The following PTPRG variants were observed in gnomAD, a reference collection of about 807,000 sequenced individuals.
The protein encoded by PTPRG is receptor-type tyrosine-protein phosphatase gamma.
PTPRG carries 102 observed loss-of-function variants against 165.3 expected under a neutral mutation model. That is an observed-to-expected ratio of 0.62 (90% CI 0.53 to 0.73). PTPRG has a LOEUF of 0.73. Among genes scored for constraint, PTPRG ranks in the 30% least tolerant of loss-of-function variants. The probability of loss-of-function intolerance (pLI) is 0.00; values close to 1 mark genes in which losing one functional copy is unlikely to be tolerated. For synonymous variants in PTPRG, 675 were observed against 669.5 expected (o/e 1.01, Z -0.13); for missense variants, 1,866 against 1,861.4 (o/e 1.00, Z -0.05).
At chr3:62,026,339 A>AT (rs2041803599) in intron 4 of PTPRG, among the ~76,000 whole-genome samples, 1 of 152,044 alleles carries the variant, frequency 6.6e-6, no homozygotes, top group Non-Finnish European at 1.5e-5. Flanking sequence ...ACTTGTTCTT[A>AT]TTTTTTACTT....
intron 8 of PTPRG, 25 bp downstream of exon 8, chr3:62,168,188 C>G: frequency 1.9e-6 from 3 of 1,564,410 alleles, no homozygotes; most frequent in Non-Finnish European, 2.6e-6. Context: ...AGTGCCTTGC[C>G]CAGAGGAAGA....
At chr3:61,718,518 A>T (rs1337470300) in intron 1 of PTPRG, among the ~76,000 whole-genome samples, 6 of 152,186 alleles carry the variant, frequency 3.9e-5, no homozygotes, top group African/African-American at 1.4e-4. Flanking sequence ...TTAGTTTTAA[A>T]ATCTGAGACT....
chr3:62,284,709 C>A (rs979106727), intron 28 of PTPRG, among the ~76,000 whole-genome samples: 1 of 152,140 alleles, frequency 6.6e-6, no homozygotes, highest in African/African-American at 2.4e-5. Flanking sequence ...CTCATCTTCA[C>A]TGCCTGCCCC....
At chr3:61,729,831 A>C (rs889776414) in intron 1 of PTPRG, among the ~76,000 whole-genome samples, 53 of 152,264 alleles carry the variant, frequency 3.5e-4, no homozygotes, top group African/African-American at 1.3e-3. Context: ...TCATTAATGT[A>C]CTTTGCCTAA....
chr3:62,255,721 C>T lies in PTPRG; in HGVS notation c.2559+506C>T, dbSNP rs547270606. ...GGCACCAATGTCACCTACATTGTAA[C>T]GTCGTTGGAAAAATAAATGATTAAC... On this transcript the variant is annotated intron_variant, in intron 16 of 29. Coordinates refer to ENST00000474889, the MANE Select transcript of PTPRG (RefSeq NM_002841.4). This position sits in a 1 kb window ranked among gnomAD's most constrained non-coding sequence, Gnocchi z 4.0. 2.0e-5 allele frequency among the ~76,000 whole-genome samples: 3 copies of T among 152,080 alleles called. No homozygotes were observed. The highest frequency in any genetic ancestry group is 4.8e-5 in the African/African-American group (2 of 41,398).
Position 61,584,773 on chromosome 3 carries a change from G to C in PTPRG, c.85+22401G>C, listed in dbSNP as rs138080238. ...ATCACAGCTCCATTGAGTTTGTCCA[G>C]CCCTCACACGGAATCTTATTAAAAA... On this transcript the variant is annotated intron_variant, in intron 1 of 29. Coordinates refer to ENST00000474889, the MANE Select transcript of PTPRG (RefSeq NM_002841.4). Among the ~76,000 whole-genome samples, 338 of 152,204 alleles carry C rather than the reference G, an allele frequency of 2.2e-3. 4 individuals carry two copies. Among genetic ancestry groups the C allele is most frequent in the African/African-American group, 7.8e-3 (322 of 41,540 alleles).
At chr3:61,669,286 G>C (rs955319946) in intron 1 of PTPRG, among the ~76,000 whole-genome samples, 2 of 152,090 alleles carry the variant, frequency 1.3e-5, no homozygotes, top group African/African-American at 4.8e-5. Context: ...CTTAGAGCTT[G>C]AGACATTATG....
intron 2 of PTPRG, among the ~76,000 whole-genome samples, chr3:61,883,875 C>G (rs1199810943): frequency 6.6e-6 from 1 of 152,124 alleles, no homozygotes; most frequent in Non-Finnish European, 1.5e-5. Flanking sequence ...GCATACCTAG[C>G]TAATTTCTGT....
intron 9 of PTPRG, among the ~76,000 whole-genome samples, chr3:62,191,866 C>T (rs1405780959): frequency 2.0e-5 from 3 of 152,314 alleles, no homozygotes; most frequent in Admixed American, 6.5e-5. Flanking sequence ...TTAGACTTAA[C>T]AGCTATGCAA....
At chr3:62,159,869 C>T (rs940558446) in intron 7 of PTPRG, among the ~76,000 whole-genome samples, 26 of 152,338 alleles carry the variant, frequency 1.7e-4, no homozygotes, top group African/African-American at 6.0e-4. Flanking sequence ...TCCTTGCTGG[C>T]TGGCTTTGTG....
rs575754805 is a variant in PTPRG at position 62,214,003 on chromosome 3, C to A, written c.2156-4848C>A. On this transcript the variant is annotated intron_variant, in intron 12 of 29. Transcript: ENST00000474889. The surrounding 1 kb of genome is among the most constrained non-coding windows in gnomAD (Gnocchi z 5.2). ...CTTGAGCCCAGAAGTTCGAGACCAG[C>A]CTGGGCAACATATCAAGAAAGTGTC... Among the ~76,000 whole-genome samples, 15 of 152,128 alleles carry A rather than the reference C, an allele frequency of 9.9e-5. No individual in the cohort carries two copies. The highest frequency in any genetic ancestry group is 3.6e-4 in the African/African-American group (15 of 41,482).
chr3:61,790,959 T>G (rs2034851397), intron 2 of PTPRG, among the ~76,000 whole-genome samples: 1 of 152,232 alleles, frequency 6.6e-6, no homozygotes, highest in South Asian at 2.1e-4. Context: ...AGCAAGGATA[T>G]TTGTAATTAA....
intron 2 of PTPRG, among the ~76,000 whole-genome samples, chr3:61,776,250 C>G (rs1454996436): frequency 6.6e-6 from 1 of 151,982 alleles, no homozygotes; most frequent in African/African-American, 2.4e-5. Flanking sequence ...GCTGGCCAAT[C>G]CAGAAGTCTT....
rs879385000 is a variant in PTPRG, at chr3:62,231,308, G to A, written c.2372G>A (p.Ser791Asn). 3 of 1,591,768 alleles carry A rather than the reference G, an allele frequency of 1.9e-6. No individual in the cohort carries two copies. The highest frequency in any genetic ancestry group is 8.6e-7 in the Non-Finnish European group (1 of 1,168,904). Residue 791 changes from serine (S) to asparagine (N), a missense_variant, in exon 14 of 30, where the codon AGC becomes AAC. Around this residue, in one of 3 missense-constraint regions of PTPRG, gnomAD observed 1,452 missense variants for 1,463.0 expected, o/e 0.99. Transcript: ENST00000474889. ...TCTGGGGAGAGAGGAGAGAAGGGGA[G>A]CAGGTGAGGGGCGGTCAAGCTTAAG... The part of the protein sequence containing the change: ...PSSGERGEKG[S>N]RKCFQTAHFY...
intron 4 of PTPRG, among the ~76,000 whole-genome samples, chr3:62,005,871 T>G (rs373754819): frequency 1.3e-5 from 2 of 151,730 alleles, no homozygotes; most frequent in East Asian, 1.9e-4. Context: ...CCTGGCTAAT[T>G]TTTGTATTTT....
At chr3:61,779,911 G>T (rs2034495050) in intron 2 of PTPRG, among the ~76,000 whole-genome samples, 2 of 152,148 alleles carry the variant, frequency 1.3e-5, no homozygotes, top group African/African-American at 4.8e-5. Context: ...GCAGCTCTGA[G>T]GCGATAATTG....
At chr3:62,216,072 G>T (rs1700495527) in intron 12 of PTPRG, among the ~76,000 whole-genome samples, 1 of 152,122 alleles carries the variant, frequency 6.6e-6, no homozygotes, top group Non-Finnish European at 1.5e-5. Context: ...ATGAAAATTG[G>T]CCAGGCGTGG....
chr3:61,897,578 A>G (rs770646049), intron 2 of PTPRG, among the ~76,000 whole-genome samples: 10 of 152,146 alleles, frequency 6.6e-5, no homozygotes, highest in Non-Finnish European at 1.0e-4. Context: ...GGCCTGTGCT[A>G]TTCTATAGAA....
chr3:61,818,572 G>T (rs1391263886), intron 2 of PTPRG, among the ~76,000 whole-genome samples: 2 of 152,126 alleles, frequency 1.3e-5, no homozygotes, highest in Non-Finnish European at 1.5e-5. Context: ...GCTGAAGTGG[G>T]AGCATCACTT....
Sources: allele counts gnomAD v4.1 joint callset (sites outside exome capture counted in the v4.1 genomes callset), GRCh38; gene constraint gnomAD v4.1.1; regional missense constraint gnomAD v4.1.1; non-coding constraint Gnocchi (gnomAD v3.1); transcripts MANE v1.5; gene names NCBI Gene and HGNC (gene_info 2026-07-23, HGNC 2026-07-21).